The following WWOX variants were observed in gnomAD, a reference collection of about 807,000 sequenced individuals.
WWOX encodes WW domain-containing oxidoreductase.
WWOX carries 69 observed loss-of-function variants against 46.2 expected under a neutral mutation model. The ratio of observed to expected loss-of-function variants is 1.49; its 90% CI spans 1.23 to 1.82. The LOEUF is 1.82. Among genes scored for constraint, WWOX ranks in the 40% most tolerant of loss-of-function variants. WWOX has a pLI of 0.00. For missense variants in WWOX, 919 were observed against 542.6 expected (o/e 1.69, Z -6.89); for synonymous variants, 359 against 202.6 (o/e 1.77, Z -6.56).
chr16:79,150,596 C>A (rs1055831494), intron 8 of WWOX, among the ~76,000 whole-genome samples: 1 of 152,164 alleles, frequency 6.6e-6, no homozygotes. Context: ...ATAAACTTGC[C>A]AGAACCTCCA....
At chr16:78,118,704 C>T (rs12917833) in intron 4 of WWOX, among the ~76,000 whole-genome samples, 2 of 152,030 alleles carry the variant, frequency 1.3e-5, no homozygotes, top group African/African-American at 2.4e-5. Context: ...AAAAAAGTGC[C>T]GACTGCTATG....
At chr16:78,511,902 T>A (rs1305713219) in intron 8 of WWOX, among the ~76,000 whole-genome samples, 1 of 152,236 alleles carries the variant, frequency 6.6e-6, no homozygotes, top group African/African-American at 2.4e-5. Context: ...ATTATCCGTT[T>A]ACTGCTAAAA....
intron 8 of WWOX, among the ~76,000 whole-genome samples, chr16:79,093,662 A>G (rs2049010309): frequency 1.3e-5 from 2 of 152,124 alleles, no homozygotes; most frequent in South Asian, 4.1e-4. Context: ...CTTTTACCGC[A>G]CACTTCCTGT....
intron 8 of WWOX, among the ~76,000 whole-genome samples, chr16:78,813,773 T>G (rs540602086): frequency 2.6e-5 from 4 of 152,210 alleles, no homozygotes; most frequent in Non-Finnish European, 4.4e-5. Flanking sequence ...CAGACCAGGA[T>G]GAGTGGGGCA....
chr16:78,839,385 G>C (rs1399722794), intron 8 of WWOX, among the ~76,000 whole-genome samples: 1 of 151,984 alleles, frequency 6.6e-6, no homozygotes, highest in African/African-American at 2.4e-5. Context: ...AGGTCCAAAG[G>C]CTTTGCTGAA....
intron 8 of WWOX, among the ~76,000 whole-genome samples, chr16:78,915,869 C>T (rs183500182): frequency 1.7e-4 from 26 of 152,276 alleles, no homozygotes; most frequent in Non-Finnish European, 2.8e-4. Flanking sequence ...AGGAAGAACG[C>T]TCAAAGAAGA....
intron 8 of WWOX, among the ~76,000 whole-genome samples, chr16:78,639,217 C>T (rs753371919): frequency 6.6e-6 from 1 of 152,178 alleles, no homozygotes; most frequent in Non-Finnish European, 1.5e-5. Context: ...TGCATGTGCG[C>T]AAAGTCCTGT....
intron 8 of WWOX, among the ~76,000 whole-genome samples, chr16:78,675,855 A>G (rs1463225192): frequency 1.3e-5 from 2 of 152,064 alleles, no homozygotes; most frequent in East Asian, 1.9e-4. Flanking sequence ...TTAAATCATG[A>G]CTTTTCTGAT....
intron 4 of WWOX, among the ~76,000 whole-genome samples, chr16:78,144,569 T>C (rs1299125638): frequency 7.2e-6 from 1 of 139,498 alleles, no homozygotes; most frequent in Non-Finnish European, 1.5e-5. Flanking sequence ...TCGCCCAGGC[T>C]GGAGTACAGT....
At chr16:79,093,950 T>A (rs752954379) in intron 8 of WWOX, among the ~76,000 whole-genome samples, 13 of 152,160 alleles carry the variant, frequency 8.5e-5, no homozygotes, top group Non-Finnish European at 1.6e-4. Context: ...GAGCCTTCTA[T>A]CACTTAGTAC....
intron 6 of WWOX, among the ~76,000 whole-genome samples, chr16:78,414,097 G>A (rs1321848266): frequency 6.6e-6 from 1 of 151,796 alleles, no homozygotes; most frequent in Non-Finnish European, 1.5e-5. Flanking sequence ...TCCTGAGGCA[G>A]TGAGTCTCAG....
intron 8 of WWOX, among the ~76,000 whole-genome samples, chr16:78,578,000 A>C (rs1188386609): frequency 6.6e-6 from 1 of 152,030 alleles, no homozygotes; most frequent in African/African-American, 2.4e-5. Context: ...ACCTAGGTCC[A>C]GATTTCAGAG....
At chr16:78,838,797 C>T (rs927211390) in intron 8 of WWOX, among the ~76,000 whole-genome samples, 1 of 152,088 alleles carries the variant, frequency 6.6e-6, no homozygotes, top group Non-Finnish European at 1.5e-5. Context: ...GAGCCCAGAT[C>T]GTGCCCCTGT....
intron 8 of WWOX, among the ~76,000 whole-genome samples, chr16:78,595,397 T>C (rs1256097955): frequency 1.3e-5 from 2 of 151,540 alleles, no homozygotes; most frequent in Non-Finnish European, 2.9e-5. Flanking sequence ...GCCACAAGAC[T>C]CCTGCCTCCC....
At chr16:78,650,027 A>G (rs1256512052) in intron 8 of WWOX, among the ~76,000 whole-genome samples, 1 of 152,132 alleles carries the variant, frequency 6.6e-6, no homozygotes, top group Non-Finnish European at 1.5e-5. Flanking sequence ...TTATTTGTAT[A>G]TTGGAAGCCT....
intron 8 of WWOX, among the ~76,000 whole-genome samples, chr16:79,194,271 ATT>A (rs1469982411): frequency 6.6e-6 from 1 of 152,118 alleles, no homozygotes; most frequent in Non-Finnish European, 1.5e-5. Context: ...GGATTGATAT[ATT>A]TTTCCTTTGG....
intron 5 of WWOX, among the ~76,000 whole-genome samples, chr16:78,291,564 C>T (rs1013940605): frequency 8.6e-5 from 13 of 152,028 alleles, no homozygotes; most frequent in Admixed American, 2.6e-4. Context: ...GGTCTGAAAC[C>T]GCTGTTTGGA....
chr16:79,061,527 A>G (rs1025706415), intron 8 of WWOX, among the ~76,000 whole-genome samples: 1 of 152,200 alleles, frequency 6.6e-6, no homozygotes, highest in African/African-American at 2.4e-5. Flanking sequence ...AACAATTAGA[A>G]GCTGCTGATT....
At chr16:78,322,193 A>T (rs551818795) in intron 5 of WWOX, among the ~76,000 whole-genome samples, 1 of 152,128 alleles carries the variant, frequency 6.6e-6, no homozygotes, top group Non-Finnish European at 1.5e-5. Flanking sequence ...AATTCGAAAG[A>T]GCAAATGAGC....
Sources: gnomAD v4.1 joint callset for allele counts (sites outside exome capture counted in the v4.1 genomes callset) on GRCh38, gnomAD v4.1.1 for gene constraint, MANE v1.5 for transcripts, NCBI Gene and HGNC (gene_info 2026-07-23, HGNC 2026-07-21) for gene names.